Variants in GAS7 observed in about 807,000 individuals in gnomAD.
The protein encoded by GAS7 is growth arrest specific 7, also known as growth arrest-specific protein 7.
A neutral mutation model predicts 71.1 loss-of-function variants in GAS7; 28 were observed. That is an observed-to-expected ratio of 0.39 (90% CI 0.29 to 0.54). GAS7 has a LOEUF of 0.54. GAS7 is among the 20% of genes least tolerant of loss of function. The pLI is 0.62. For missense variants in GAS7, 436 were observed against 627.8 expected (o/e 0.69, Z 3.27); for synonymous variants, 258 against 245.8 (o/e 1.05, Z -0.46).
At chr17:10,024,626 AG>A (rs2072397342) in intron 1 of GAS7, among the ~76,000 whole-genome samples, 1 of 152,312 alleles carries the variant, frequency 6.6e-6, no homozygotes, top group Admixed American at 6.5e-5. Flanking sequence ...TTCCTCTGGA[AG>A]GGACCATCCC....
intron 1 of GAS7, among the ~76,000 whole-genome samples, chr17:10,023,242 C>T (rs963385807): frequency 6.6e-6 from 1 of 152,206 alleles, no homozygotes; most frequent in African/African-American, 2.4e-5. Context: ...GCCTCCATCT[C>T]CCGAGGCAGC....
chr17:10,075,271 G>A (rs971518201), intron 1 of GAS7, among the ~76,000 whole-genome samples: 7 of 150,546 alleles, frequency 4.6e-5, no homozygotes, highest in East Asian at 2.0e-4. Context: ...CAGGAGAATC[G>A]CTTGAACCCA....
chr17:10,049,353 T>C (rs1362363945), intron 1 of GAS7, among the ~76,000 whole-genome samples: 1 of 152,210 alleles, frequency 6.6e-6, no homozygotes, highest in Admixed American at 6.5e-5. Context: ...GCCCTCTTTA[T>C]ATCATCCTCC....
intron 1 of GAS7, among the ~76,000 whole-genome samples, chr17:10,082,839 G>T (rs2073472918): frequency 1.3e-5 from 2 of 152,204 alleles, no homozygotes; most frequent in Non-Finnish European, 2.9e-5. Context: ...GTACAACAAT[G>T]AGGATGAATG....
At chr17:10,152,798 G>C (rs888377795) in intron 1 of GAS7, among the ~76,000 whole-genome samples, 1 of 152,178 alleles carries the variant, frequency 6.6e-6, no homozygotes, top group Non-Finnish European at 1.5e-5. Flanking sequence ...AGATGAGCAA[G>C]AGTTTCTAGA....
At chr17:9,942,748 T>C (rs12451632) in intron 7 of GAS7, among the ~76,000 whole-genome samples, 73 of 152,252 alleles carry the variant, frequency 4.8e-4, no homozygotes, top group Admixed American at 4.6e-3. Context: ...TGGTGGAGAC[T>C]GGCAAAATGG....
chr17:10,125,444 G>A (rs1221642087), intron 1 of GAS7, among the ~76,000 whole-genome samples: 4 of 151,450 alleles, frequency 2.6e-5, no homozygotes, highest in Non-Finnish European at 2.9e-5. Flanking sequence ...TTGAACATGG[G>A]AGGCAGATGT....
intron 1 of GAS7, among the ~76,000 whole-genome samples, chr17:10,073,805 A>G (rs1208496524): frequency 6.6e-6 from 1 of 152,174 alleles, no homozygotes; most frequent in East Asian, 1.9e-4. Context: ...TTTTTTCTCA[A>G]CTGAATTCAA....
At chr17:10,038,348 T>G (rs12452915) in intron 1 of GAS7, among the ~76,000 whole-genome samples, 1,813 of 152,140 alleles carry the variant, frequency 0.012, 41 homozygotes, top group East Asian at 0.1. Context: ...AGGCTCTGTC[T>G]CAAAACAAAC....
intron 1 of GAS7, among the ~76,000 whole-genome samples, chr17:10,174,288 CTGAGTAG>C: frequency 6.6e-6 from 1 of 152,178 alleles, no homozygotes; most frequent in Non-Finnish European, 1.5e-5. Flanking sequence ...CATTTGGGGA[CTGAGTAG>C]AGATTAGAGG....
chr17:10,104,663 T>C (rs2073740252), intron 1 of GAS7, among the ~76,000 whole-genome samples: 1 of 152,198 alleles, frequency 6.6e-6, no homozygotes, highest in Non-Finnish European at 1.5e-5. Flanking sequence ...TTTTAATAAA[T>C]GGTACCACCA....
At chr17:10,187,962 A>G (rs2074468288) in intron 1 of GAS7, among the ~76,000 whole-genome samples, 1 of 152,194 alleles carries the variant, frequency 6.6e-6, no homozygotes, top group African/African-American at 2.4e-5. Context: ...TCATTAACCA[A>G]TATTTTTATT....
intron 1 of GAS7, among the ~76,000 whole-genome samples, chr17:10,128,515 C>G (rs1460008892): frequency 2.6e-5 from 4 of 152,218 alleles, no homozygotes; most frequent in East Asian, 1.9e-4. Context: ...CCTCTCACCC[C>G]CTTAACTAGG....
Position 9,970,159 on chromosome 17 carries a change from A to G in GAS7, c.386-397T>C, listed in dbSNP as rs557413563. Among the ~76,000 whole-genome samples, 8 of 152,208 alleles carry G rather than the reference A, an allele frequency of 5.3e-5. No individual in the cohort carries two copies. In the East Asian group the frequency reaches 1.5e-3, roughly 29 times the overall value. On this transcript the variant is annotated intron_variant, in intron 3 of 13. Coordinates refer to ENST00000432992, the MANE Select transcript of GAS7 (RefSeq NM_201433.2). ...GGCGGGGGGCTCTCCACCACCTTCC[A>G]ACAATTTCCCTCAGCTTTCTTAGTA...
intron 1 of GAS7, among the ~76,000 whole-genome samples, chr17:10,102,099 A>AT (rs1055424182): frequency 2.0e-5 from 3 of 151,200 alleles, no homozygotes; most frequent in South Asian, 2.1e-4. Context: ...ATATTAATAC[A>AT]TTTTTTTTCA....
At chr17:10,162,398 A>T (rs1379703982) in intron 1 of GAS7, among the ~76,000 whole-genome samples, 1 of 138,488 alleles carries the variant, frequency 7.2e-6, no homozygotes, top group Non-Finnish European at 1.5e-5. Flanking sequence ...TCCTGAATTT[A>T]TTTAAAGAAT....
intron 1 of GAS7, among the ~76,000 whole-genome samples, chr17:10,137,516 C>G (rs2142093344): frequency 6.7e-6 from 1 of 150,080 alleles, no homozygotes; most frequent in Non-Finnish European, 1.5e-5. Context: ...GTGTCTAGAA[C>G]AATTCCTAGC....
At chr17:10,128,261 T>A (rs1437331513) in intron 1 of GAS7, among the ~76,000 whole-genome samples, 2 of 152,178 alleles carry the variant, frequency 1.3e-5, no homozygotes, top group East Asian at 3.9e-4. Context: ...AATTTCCTAA[T>A]CCCCTTCCTA....
Position 10,041,727 on chromosome 17 carries a change from C to T in GAS7, c.184-21830G>A, listed in dbSNP as rs78923169. Among the ~76,000 whole-genome samples the T allele has an allele frequency of 8.8e-4, 134 of 152,306 alleles. 2 individuals carry two copies. In the East Asian group the frequency reaches 0.019, roughly 21 times the overall value. ...TGATTAGCGTTGGCCGTGAAAAACACGCTACTGGTCTCTCCTTGTGGCCTC... is the reference window on the plus strand; with the variant it reads ...TGATTAGCGTTGGCCGTGAAAAACATGCTACTGGTCTCTCCTTGTGGCCTC... On this transcript the variant is annotated intron_variant, in intron 1 of 13. Transcript: ENST00000432992.
Sources: gnomAD v4.1 joint callset for allele counts (sites outside exome capture counted in the v4.1 genomes callset) on GRCh38, gnomAD v4.1.1 for gene constraint, MANE v1.5 for transcripts, NCBI Gene and HGNC (gene_info 2026-07-23, HGNC 2026-07-21) for gene names.